RGS7: variants seen among roughly 807,000 people sequenced by gnomAD.
RGS7 encodes the protein regulator of G protein signaling 7, also known as regulator of G-protein signaling 7.
RGS7 carries 27 observed loss-of-function variants against 81.1 expected under a neutral mutation model. That is an observed-to-expected ratio of 0.33 (90% CI 0.25 to 0.46). The LOEUF (loss-of-function observed/expected upper bound fraction) is 0.46. Ranked by LOEUF, RGS7 falls within the 20% of genes least tolerant of loss-of-function variation. The probability of loss-of-function intolerance (pLI) is 1.00; values close to 1 mark genes in which losing one functional copy is unlikely to be tolerated. For synonymous variants in RGS7, 208 were observed against 207.7 expected, an observed-to-expected ratio of 1.00 and a Z score of -0.01; for missense variants, 396 against 607.4, an observed-to-expected ratio of 0.65 and a Z score of 3.66.
chr1:241,268,379 T>C (rs1463933805), intron 2 of RGS7, among the ~76,000 whole-genome samples: 1 of 152,144 alleles, frequency 6.6e-6, no homozygotes, highest in Non-Finnish European at 1.5e-5. Context: ...CGGTGCATCG[T>C]AGGACGTTTA....
intron 3 of RGS7, among the ~76,000 whole-genome samples, chr1:240,983,433 C>T (rs1685219147): frequency 6.6e-6 from 1 of 152,126 alleles, no homozygotes; most frequent in Non-Finnish European, 1.5e-5. Context: ...TAAGCATCTC[C>T]TATATTTCAG....
chr1:240,935,728 G>A (rs992669181), intron 5 of RGS7, among the ~76,000 whole-genome samples: 6 of 152,144 alleles, frequency 3.9e-5, no homozygotes, highest in African/African-American at 1.4e-4. Context: ...TAGGTACTCT[G>A]ATTACTATTC....
At chr1:241,116,108 A>C (rs2102975454) in intron 2 of RGS7, among the ~76,000 whole-genome samples, 1 of 152,294 alleles carries the variant, frequency 6.6e-6, no homozygotes, top group East Asian at 1.9e-4. Context: ...CTGTGAGTCA[A>C]CTAAATCTCT....
At chr1:240,969,621 TA>T (rs1470409738) in intron 4 of RGS7, among the ~76,000 whole-genome samples, 6 of 152,192 alleles carry the variant, frequency 3.9e-5, no homozygotes, top group Non-Finnish European at 8.8e-5. Flanking sequence ...AATATATATT[TA>T]AAAAACCAAT....
chr1:241,126,809 AT>A (rs55818497), intron 2 of RGS7, among the ~76,000 whole-genome samples: 3,911 of 145,290 alleles, frequency 0.027, 236 homozygotes, highest in East Asian at 0.26. Flanking sequence ...CCTTAAGTTG[AT>A]TTTTTTTTTT....
chr1:241,316,179 T>C (rs1489873291), intron 2 of RGS7, among the ~76,000 whole-genome samples: 1 of 146,566 alleles, frequency 6.8e-6, no homozygotes, highest in Non-Finnish European at 1.5e-5. Flanking sequence ...TACCTAGAGA[T>C]AGTGTTTCCA....
chr1:240,981,834 A>C (rs1346292362), intron 4 of RGS7, among the ~76,000 whole-genome samples: 1 of 152,220 alleles, frequency 6.6e-6, no homozygotes, highest in East Asian at 1.9e-4. Context: ...CTAGCTTAAA[A>C]TGAGAAAAAA....
intron 2 of RGS7, among the ~76,000 whole-genome samples, chr1:241,354,230 C>G (rs1323473112): frequency 6.6e-6 from 1 of 152,112 alleles, no homozygotes; most frequent in African/African-American, 2.4e-5. Flanking sequence ...AACCACCGAA[C>G]TCCCCCCAAA....
intron 2 of RGS7, among the ~76,000 whole-genome samples, chr1:241,345,156 T>C (rs571326359): frequency 1.3e-5 from 2 of 152,360 alleles, no homozygotes; most frequent in African/African-American, 4.8e-5. Context: ...ACACTGCATG[T>C]TCTTACTTAT....
chr1:241,287,318 A>G (rs891793065), intron 2 of RGS7, among the ~76,000 whole-genome samples: 5 of 152,198 alleles, frequency 3.3e-5, no homozygotes, highest in Non-Finnish European at 5.9e-5. Context: ...GGAGGGACCC[A>G]GTGGGAGGTG....
At chr1:241,029,570 A>G (rs1047095043) in intron 3 of RGS7, among the ~76,000 whole-genome samples, 1 of 152,234 alleles carries the variant, frequency 6.6e-6, no homozygotes, top group Non-Finnish European at 1.5e-5. Context: ...TAAGCCTTCA[A>G]GATGAATGTT....
chr1:241,293,646 A>T (rs2079216918), intron 2 of RGS7, among the ~76,000 whole-genome samples: 1 of 152,200 alleles, frequency 6.6e-6, no homozygotes, highest in Non-Finnish European at 1.5e-5. Context: ...ATAAAAAAGA[A>T]AATATTTTTG....
chr1:240,860,148 C>CTCCATGGAACGTGTA (rs1661937813), intron 9 of RGS7, among the ~76,000 whole-genome samples: 1 of 152,100 alleles, frequency 6.6e-6, no homozygotes, highest in African/African-American at 2.4e-5. Context: ...TCCATGGAAG[C>CTCCATGGAACGTGTA]TTGAGAAGAA....
chr1:241,192,781 C>CT lies in RGS7; in HGVS notation c.79-94020dup, dbSNP rs545075558. On this transcript the variant is annotated intron_variant, in intron 2 of 18. Coordinates refer to ENST00000440928, the MANE Select transcript of RGS7 (RefSeq NM_001364886.1). ...CACTCCTCACTTCATTCCTGCCTCA[C>CT]TCCCAAGGCAAGTTCAGAGCCCCAC... 1.3e-3 allele frequency among the ~76,000 whole-genome samples: 197 copies of CT among 152,260 alleles called. No individual in the cohort carries two copies. The Middle Eastern group carries it at 0.014, about 11-fold the overall frequency.
At chr1:241,157,773 T>C (rs2069280657) in intron 2 of RGS7, among the ~76,000 whole-genome samples, 1 of 151,886 alleles carries the variant, frequency 6.6e-6, no homozygotes, top group Non-Finnish European at 1.5e-5. Flanking sequence ...TTATATAAAA[T>C]CTAATTTGTA....
intron 10 of RGS7, among the ~76,000 whole-genome samples, chr1:240,826,274 A>T (rs1465243841): frequency 1.3e-5 from 2 of 152,216 alleles, no homozygotes; most frequent in East Asian, 3.9e-4. Context: ...AAGAAAAGGT[A>T]CTTGGACCAT....
In RGS7 at chr1:241,299,935, CA is replaced by C. The variant is rs35939099; in HGVS notation, c.78+55763del. 9.1e-3 allele frequency among the ~76,000 whole-genome samples: 526 copies of C among 58,060 alleles called. 5 individuals are homozygous for C. Among genetic ancestry groups the C allele is most frequent in the African/African-American group, 0.034 (508 of 15,022 alleles). 38.1% of individuals were successfully genotyped at this position (58,060 alleles called of 152,430 possible). On this transcript the variant is annotated intron_variant, in intron 2 of 18. Transcript: ENST00000440928. ...GTAACACACAGATACCTCGTTTCTC[CA>C]AAAAAAAAAAAAAAAAAAAAAAGTA...
intron 2 of RGS7, among the ~76,000 whole-genome samples, chr1:241,252,818 G>A (rs1467755924): frequency 2.0e-5 from 3 of 152,184 alleles, no homozygotes; most frequent in African/African-American, 4.8e-5. Context: ...TAAGGAAGGG[G>A]AGGTTGCTTT....
At chr1:241,320,268 A>G (rs2081133833) in intron 2 of RGS7, among the ~76,000 whole-genome samples, 1 of 152,170 alleles carries the variant, frequency 6.6e-6, no homozygotes, top group South Asian at 2.1e-4. Flanking sequence ...TCATGTAACT[A>G]TGAGTTTTCC....
Sources: gnomAD v4.1 joint callset for allele counts (sites outside exome capture counted in the v4.1 genomes callset) on GRCh38, gnomAD v4.1.1 for gene constraint, MANE v1.5 for transcripts, NCBI Gene and HGNC (gene_info 2026-07-23, HGNC 2026-07-21) for gene names.